The following MYO9B variants were observed in gnomAD, a reference collection of about 807,000 sequenced individuals.
The protein encoded by MYO9B is unconventional myosin-IXb.
A neutral mutation model predicts 229.5 loss-of-function variants in MYO9B; 71 were observed. The observed-to-expected ratio is 0.31, with a 90% confidence interval of 0.26 to 0.38. MYO9B has a LOEUF of 0.38. Among genes scored for constraint, MYO9B ranks in the 10% least tolerant of loss-of-function variants. The pLI is 1.00. For synonymous variants in MYO9B, 1,185 were observed against 1,235.8 expected, an observed-to-expected ratio of 0.96 and a Z score of 0.86; for missense variants, 2,255 against 2,920.5, an observed-to-expected ratio of 0.77 and a Z score of 5.25.
In MYO9B at chr19:17,175,746, G is replaced by A; in HGVS notation, c.2219+5G>A. 1 of 1,570,922 alleles carries A rather than the reference G, an allele frequency of 6.4e-7. No homozygotes were observed. Among genetic ancestry groups the A allele is most frequent in the Non-Finnish European group, 8.6e-7 (1 of 1,157,776 alleles). On this transcript the variant is annotated splice_donor_5th_base_variant and intron_variant, in intron 14 of 39. Coordinates refer to ENST00000682292, the MANE Select transcript of MYO9B (RefSeq NM_004145.4). ...CCCTTCGGAAAAACTTTACCGGTGA[G>A]CAAGACCCTGATTTGCCCAAACTGA...
At chr19:17,104,180 G>A (rs564954197) in intron 2 of MYO9B, among the ~76,000 whole-genome samples, 8 of 152,260 alleles carry the variant, frequency 5.3e-5, no homozygotes, top group Admixed American at 4.6e-4. Context: ...GCTTCACAAC[G>A]GGACATTTCT....
intron 1 of MYO9B, among the ~76,000 whole-genome samples, chr19:17,094,255 G>A (rs985390634): frequency 1.8e-4 from 27 of 152,186 alleles, no homozygotes; most frequent in African/African-American, 5.1e-4. Flanking sequence ...GGCTGGTCTC[G>A]AACTCCCAAC....
chr19:17,183,840 G>A lies in MYO9B; in HGVS notation c.2345G>A (p.Gly782Asp). Reference sequence around the variant, plus strand: ...TAATATTTTGACAGGAAAAGTAAAGGTATCAAACAAAAGCAGATCATTCCA... The same window carrying A: ...TAATATTTTGACAGGAAAAGTAAAGATATCAAACAAAAGCAGATCATTCCA... ...KPRAFILKSK[G>D]IKQKQIIPKN... The change falls in exon 16 of 40, where the codon GGT becomes GAT. Residue 782 changes from glycine to aspartate, a missense_variant. Gly to Asp is a moderately conservative substitution (Grantham distance 94). Around this residue, in one of 7 missense-constraint regions of MYO9B, gnomAD observed 155 missense variants for 159.1 expected, o/e 0.97. Coordinates refer to ENST00000682292, the MANE Select transcript of MYO9B (RefSeq NM_004145.4). The A allele has an allele frequency of 6.4e-7, 1 of 1,572,784 alleles. No individual in the cohort carries two copies. The highest frequency in any genetic ancestry group is 1.2e-5 in the South Asian group (1 of 84,422).
chr19:17,156,230 C>T (rs148409189), intron 6 of MYO9B, among the ~76,000 whole-genome samples: 1 of 151,994 alleles, frequency 6.6e-6, no homozygotes, highest in African/African-American at 2.4e-5. Context: ...CAGAGGGATC[C>T]GTACACTTCT....
chr19:17,180,462 G>T (rs1348348271), intron 14 of MYO9B, among the ~76,000 whole-genome samples: 3 of 142,266 alleles, frequency 2.1e-5, no homozygotes, highest in East Asian at 4.3e-4. Context: ...AAGCAATTCT[G>T]CCTCAGCCTC....
chr19:17,112,458 G>A (rs901229729), intron 2 of MYO9B, among the ~76,000 whole-genome samples: 11 of 152,300 alleles, frequency 7.2e-5, no homozygotes, highest in African/African-American at 2.6e-4. Context: ...GCCGGCTGGC[G>A]GGGGCCCTGG....
intron 2 of MYO9B, among the ~76,000 whole-genome samples, chr19:17,125,177 T>C (rs1195653950): frequency 2.6e-5 from 4 of 152,040 alleles, no homozygotes; most frequent in Admixed American, 2.6e-4. Flanking sequence ...GGCACATGCC[T>C]GTGGTCCCAG....
intron 2 of MYO9B, among the ~76,000 whole-genome samples, chr19:17,142,611 C>T (rs935260881): frequency 1.3e-5 from 2 of 151,912 alleles, no homozygotes; most frequent in Admixed American, 6.6e-5. Flanking sequence ...ACAAAGAGCC[C>T]GATAGGCAAT....
intron 11 of MYO9B, among the ~76,000 whole-genome samples, chr19:17,170,850 G>T (rs1440159802): frequency 1.3e-5 from 1 of 77,520 alleles, no homozygotes. Context: ...AAAAAAAAAA[G>T]TAGAGACGGC....
At chr19:17,174,758 C>T (rs1025256524) in intron 13 of MYO9B, among the ~76,000 whole-genome samples, 1 of 151,678 alleles carries the variant, frequency 6.6e-6, no homozygotes, top group Non-Finnish European at 1.5e-5. Flanking sequence ...CATAGTGAAA[C>T]CCCGTCTCTA....
Position 17,205,937 on chromosome 19 carries a change from GACC to G in MYO9B, c.5065-22_5065-20del, listed in dbSNP as rs775482979. 32 of 1,538,956 alleles carry G rather than the reference GACC, an allele frequency of 2.1e-5. No homozygotes were observed. The highest frequency in any genetic ancestry group is 2.8e-5 in the Non-Finnish European group (32 of 1,142,618). On this transcript the variant is annotated intron_variant, in intron 31 of 39. Coordinates refer to ENST00000682292, the MANE Select transcript of MYO9B (RefSeq NM_004145.4). Reference sequence around the variant, plus strand: ...GAGGAAGACAGCCAGGCCCAGACCTGACCCCCAACCCCGGCACTGCAGGGCGAG... The same window carrying G: ...GAGGAAGACAGCCAGGCCCAGACCTGCCCAACCCCGGCACTGCAGGGCGAG...
chr19:17,083,688 C>T (rs1450875001), intron 1 of MYO9B, among the ~76,000 whole-genome samples: 1 of 150,848 alleles, frequency 6.6e-6, no homozygotes, highest in Non-Finnish European at 1.5e-5. Flanking sequence ...TTCTTGTTGC[C>T]CAGGCTGGAG....
rs1030540829 is a variant in MYO9B, at chr19:17,190,745, G to A, written c.2689-352G>A. Among the ~76,000 whole-genome samples the A allele has an allele frequency of 4.7e-5, 7 of 150,520 alleles. No homozygotes were observed. The South Asian group carries it at 6.3e-4, about 14-fold the overall frequency. On this transcript the variant is annotated intron_variant, in intron 19 of 39. Transcript: ENST00000682292. ...GCAATCTTGGCTCACTGCAACCTCC[G>A]CCTCCCAGGTTCAAGTGATTCTCCT... is the stretch of plus-strand genomic sequence containing the variant.
Position 17,101,888 on chromosome 19 carries a change from G to A in MYO9B, c.171G>A (p.Leu57=). 1 of 1,613,526 alleles carries A rather than the reference G, an allele frequency of 6.2e-7. No homozygotes were observed. Among genetic ancestry groups the A allele is most frequent in the Non-Finnish European group, 8.5e-7 (1 of 1,179,838 alleles). Residue 57 remains leucine (L), a synonymous_variant, in exon 2 of 40, where the codon CTG becomes CTA. Coordinates refer to ENST00000682292, the MANE Select transcript of MYO9B (RefSeq NM_004145.4). The surrounding 1 kb of genome is among the most constrained non-coding windows in gnomAD (Gnocchi z 4.7). ...VIKDAIASLR[L]DGTKCYVLVE... Reference sequence around the variant, plus strand: ...AGGACGCCATTGCCAGCCTGCGGCTGGACGGCACCAAATGTTATGTGCTGG... The same window carrying A: ...AGGACGCCATTGCCAGCCTGCGGCTAGACGGCACCAAATGTTATGTGCTGG...
chr19:17,114,747 T>G (rs900719468), intron 2 of MYO9B, among the ~76,000 whole-genome samples: 1 of 152,056 alleles, frequency 6.6e-6, no homozygotes. Flanking sequence ...GGTGACTTCT[T>G]GAAACCTATG....
chr19:17,135,515 C>G (rs1422658794), intron 2 of MYO9B, among the ~76,000 whole-genome samples: 2 of 152,144 alleles, frequency 1.3e-5, no homozygotes, highest in African/African-American at 4.8e-5. Flanking sequence ...GCCAGCCCAG[C>G]CAAGCAGCAA....
At chr19:17,185,793 A>C in intron 17 of MYO9B, 128 bp from the exon 18 acceptor site, 1 of 677,052 alleles carries the variant, frequency 1.5e-6, no homozygotes, top group Non-Finnish European at 2.6e-6. Context: ...TCCCACCACC[A>C]GGGACCCACA....
At chr19:17,203,608 G>T (rs1420677707) in intron 30 of MYO9B, among the ~76,000 whole-genome samples, 1 of 107,928 alleles carries the variant, frequency 9.3e-6, no homozygotes, top group Non-Finnish European at 1.8e-5. Context: ...GCAAGACTCT[G>T]TCTCAAAAAA....
intron 14 of MYO9B, among the ~76,000 whole-genome samples, chr19:17,177,092 T>C (rs1599395311): frequency 6.6e-6 from 1 of 151,932 alleles, no homozygotes; most frequent in East Asian, 1.9e-4. Flanking sequence ...TCCCAGCTAC[T>C]CGAGAGGCTG....
Sources: gnomAD v4.1 joint callset for allele counts (sites outside exome capture counted in the v4.1 genomes callset) on GRCh38, gnomAD v4.1.1 for gene constraint, gnomAD v4.1.1 regional missense constraint, Gnocchi (gnomAD v3.1) non-coding constraint, MANE v1.5 for transcripts, NCBI Gene and HGNC (gene_info 2026-07-23, HGNC 2026-07-21) for gene names.